PRUNE2: variants seen among roughly 807,000 people sequenced by gnomAD.
The protein encoded by PRUNE2 is protein prune homolog 2.
A neutral mutation model predicts 252.0 loss-of-function variants in PRUNE2; 164 were observed. That is an observed-to-expected ratio of 0.65 (90% CI 0.57 to 0.74). PRUNE2 has a LOEUF of 0.74. PRUNE2 is among the 30% of genes least tolerant of loss of function. PRUNE2 has a pLI of 0.00. For missense variants in PRUNE2, 3,495 were observed against 3,711.0 expected, an observed-to-expected ratio of 0.94 and a Z score of 1.51; for synonymous variants, 1,292 against 1,350.2, an observed-to-expected ratio of 0.96 and a Z score of 0.94.
At chr9:76,721,163 T>C (rs930874888) in intron 6 of PRUNE2, among the ~76,000 whole-genome samples, 1 of 152,228 alleles carries the variant, frequency 6.6e-6, no homozygotes, top group Non-Finnish European at 1.5e-5. Context: ...AAATTTTCTA[T>C]CCTTAATTCC....
chr9:76,699,462 C>T (rs971597357), intron 9 of PRUNE2, among the ~76,000 whole-genome samples: 2 of 152,136 alleles, frequency 1.3e-5, no homozygotes, highest in African/African-American at 4.8e-5. Flanking sequence ...GTGAGGGGGC[C>T]TTCATCCAAT....
At chr9:76,632,947 C>T (rs368250138) in intron 15 of PRUNE2, among the ~76,000 whole-genome samples, 20 of 152,290 alleles carry the variant, frequency 1.3e-4, no homozygotes, top group African/African-American at 4.8e-4. Flanking sequence ...GCCGGCTGGG[C>T]GCAGTGTCTC....
At chr9:76,896,529 T>C (rs1299252853) in intron 1 of PRUNE2, among the ~76,000 whole-genome samples, 1 of 152,228 alleles carries the variant, frequency 6.6e-6, no homozygotes, top group Non-Finnish European at 1.5e-5. Context: ...GGAAGGATGT[T>C]CATACTTGCT....
At chr9:76,747,003 C>A (rs2135669934) in intron 6 of PRUNE2, among the ~76,000 whole-genome samples, 1 of 152,324 alleles carries the variant, frequency 6.6e-6, no homozygotes, top group Non-Finnish European at 1.5e-5. Flanking sequence ...CCAATTTATG[C>A]CCAGTGGGTC....
At chr9:76,738,168 T>C (rs981200595) in intron 6 of PRUNE2, 1 of 152,184 alleles carries the variant, frequency 6.6e-6, no homozygotes, top group African/African-American at 2.4e-5. Flanking sequence ...ATTTTTGTAT[T>C]TAATCATTCT....
Position 76,705,101 on chromosome 9 carries a change from C to A in PRUNE2, c.7173G>T (p.Pro2391=). The change falls in exon 8 of 19, where the codon CCG becomes CCT. Residue 2391 remains proline (P), a synonymous_variant. Coordinates refer to ENST00000376718, the MANE Select transcript of PRUNE2 (RefSeq NM_015225.3). The part of the protein sequence containing the change: ...EEDSLKQSLA[P]YTPPFDLSYL... ...AAGACAAATCAAAGGGAGGTGTGTACGGTGCCAGCGACTGCTTCAGAGAAT... is the reference window on the plus strand; with the variant it reads ...AAGACAAATCAAAGGGAGGTGTGTAAGGTGCCAGCGACTGCTTCAGAGAAT... The A allele has an allele frequency of 6.2e-7, 1 of 1,613,968 alleles. No individual in the cohort carries two copies. The highest frequency in any genetic ancestry group is 8.5e-7 in the Non-Finnish European group (1 of 1,179,884).
At chr9:76,807,245 T>A (rs1242132121) in intron 6 of PRUNE2, among the ~76,000 whole-genome samples, 3 of 145,952 alleles carry the variant, frequency 2.1e-5, no homozygotes, top group South Asian at 2.2e-4. Context: ...AAAAAAAAAA[T>A]TTCTTTTGGT....
chr9:76,696,564 TA>T (rs2045405065), intron 9 of PRUNE2, among the ~76,000 whole-genome samples: 1 of 152,190 alleles, frequency 6.6e-6, no homozygotes, highest in Non-Finnish European at 1.5e-5. Context: ...TAGCTGGGAC[TA>T]CAGGTGCCCG....
rs140259617 is a variant in PRUNE2, at chr9:76,657,062, C to T, written c.8277-1560G>A. 4.0e-4 allele frequency among the ~76,000 whole-genome samples: 61 copies of T among 152,318 alleles called. 1 individual carries two copies. Among genetic ancestry groups the T allele is most frequent in the African/African-American group, 1.4e-3 (59 of 41,558 alleles). On this transcript the variant is annotated intron_variant, in intron 9 of 18. Coordinates refer to ENST00000376718, the MANE Select transcript of PRUNE2 (RefSeq NM_015225.3). ...ATGCAAAGAGAAGATCTGCACCAGGCCCCAGTTTTGAAAGTCCTAGGACCT... is the reference window on the plus strand; with the variant it reads ...ATGCAAAGAGAAGATCTGCACCAGGTCCCAGTTTTGAAAGTCCTAGGACCT...
intron 1 of PRUNE2, among the ~76,000 whole-genome samples, chr9:76,892,977 G>A (rs1253616333): frequency 2.6e-5 from 4 of 152,182 alleles, no homozygotes; most frequent in African/African-American, 9.7e-5. Context: ...TCAACATTTT[G>A]AGAGGCCTAG....
intron 9 of PRUNE2, among the ~76,000 whole-genome samples, chr9:76,697,935 T>A (rs755172218): frequency 6.6e-6 from 1 of 151,992 alleles, no homozygotes; most frequent in Non-Finnish European, 1.5e-5. Flanking sequence ...CTGCTCTGGG[T>A]AGGGCTGGCC....
chr9:76,621,299 C>T (rs1832220591), intron 17 of PRUNE2, among the ~76,000 whole-genome samples: 1 of 152,156 alleles, frequency 6.6e-6, no homozygotes, highest in Admixed American at 6.6e-5. Flanking sequence ...CATACAGTTT[C>T]TCCTAGAATT....
In PRUNE2 at chr9:76,706,455, G is replaced by GGAAC; in HGVS notation, c.5818_5819insGTTC (p.Thr1940SerfsTer9). ...CTCATCACCAGCAGCAGACACAAAG[G>GGAAC]TTTGCTCTCTTGAGTCCTTTTCTTT... On this transcript the variant is annotated frameshift_variant, in exon 8 of 19. Transcript: ENST00000376718. LOFTEE classifies it high-confidence loss of function. The GGAAC allele has an allele frequency of 6.2e-7, 1 of 1,613,994 alleles. No homozygotes were observed. Among genetic ancestry groups the GGAAC allele is most frequent in the Non-Finnish European group, 8.5e-7 (1 of 1,179,886 alleles).
chr9:76,846,800 A>G (rs1302894049), intron 3 of PRUNE2, 122 bp from the exon 4 acceptor site: 2 of 688,900 alleles, frequency 2.9e-6, no homozygotes, highest in East Asian at 2.6e-5. Context: ...ATATGAGGGA[A>G]CTCACATGAC....
intron 4 of PRUNE2, among the ~76,000 whole-genome samples, chr9:76,837,325 C>T (rs1484741468): frequency 6.6e-6 from 1 of 151,958 alleles, no homozygotes; most frequent in Non-Finnish European, 1.5e-5. Flanking sequence ...ACCTGCAGTC[C>T]CAACTACTCG....
At position 76,878,229 on chromosome 9, in the gene PRUNE2, T is replaced by G. The variant is rs58469129; in HGVS notation, c.37-24021A>C. ...GAGAACCAAGCATTCTCTTTGAAGA[T>G]GGCCAAAGAGAAGGAAAAGGGAAGA... On this transcript the variant is annotated intron_variant, in intron 1 of 18. Transcript: ENST00000376718. Among the ~76,000 whole-genome samples, 1,418 of 152,138 alleles carry G rather than the reference T, an allele frequency of 9.3e-3. 24 individuals carry two copies. Among genetic ancestry groups the G allele is most frequent in the African/African-American group, 0.032 (1,346 of 41,490 alleles).
intron 1 of PRUNE2, among the ~76,000 whole-genome samples, chr9:76,873,689 C>T (rs572788150): frequency 6.6e-6 from 1 of 152,276 alleles, no homozygotes; most frequent in South Asian, 2.1e-4. Flanking sequence ...ATCCTTGCAG[C>T]ACAAACCCAT....
intron 6 of PRUNE2, among the ~76,000 whole-genome samples, chr9:76,815,261 T>C (rs1179632810): frequency 1.3e-5 from 2 of 152,254 alleles, no homozygotes; most frequent in African/African-American, 2.4e-5. Context: ...TGTAACTTCA[T>C]GATGGCTAAA....
chr9:76,671,296 G>C (rs570707712), intron 9 of PRUNE2, among the ~76,000 whole-genome samples: 212 of 148,268 alleles, frequency 1.4e-3, no homozygotes, highest in African/African-American at 5.0e-3. Context: ...TGGAAGAAAG[G>C]GTATCAGCGA....
Sources: allele counts gnomAD v4.1 joint callset (sites outside exome capture counted in the v4.1 genomes callset), GRCh38; gene constraint gnomAD v4.1.1; transcripts MANE v1.5; gene names NCBI Gene and HGNC (gene_info 2026-07-23, HGNC 2026-07-21).